The following PRDM11 variants were observed in gnomAD, a reference collection of about 807,000 sequenced individuals.
PRDM11 encodes the protein PR/SET domain 11.
In PRDM11, 20 loss-of-function variants were observed where a neutral mutation model predicts 97.8. The ratio of observed to expected loss-of-function variants is 0.20; its 90% CI spans 0.14 to 0.30. PRDM11 has a LOEUF of 0.30. PRDM11 is among the 10% of genes least tolerant of loss of function. The pLI is 1.00. For missense variants in PRDM11, 1,139 were observed against 1,555.2 expected (o/e 0.73, Z 4.50); for synonymous variants, 599 against 637.7 (o/e 0.94, Z 0.91).
intron 1 of PRDM11, among the ~76,000 whole-genome samples, chr11:45,148,042 G>T (rs1044921896): frequency 3.3e-5 from 5 of 152,154 alleles, no homozygotes; most frequent in East Asian, 1.9e-4. Context: ...AGGGAGGAAG[G>T]TTCGGGCTTT....
At chr11:45,103,250 T>A (rs1334115990) in intron 1 of PRDM11, among the ~76,000 whole-genome samples, 3 of 152,156 alleles carry the variant, frequency 2.0e-5, no homozygotes, top group Non-Finnish European at 4.4e-5. Flanking sequence ...CTCCCCGGCC[T>A]TGGAGCCCAA....
At chr11:45,137,629 C>G (rs1403471045) in intron 1 of PRDM11, among the ~76,000 whole-genome samples, 1 of 152,030 alleles carries the variant, frequency 6.6e-6, no homozygotes, top group Non-Finnish European at 1.5e-5. Context: ...GCATCTGTAG[C>G]CCTGGCTACT....
intron 1 of PRDM11, among the ~76,000 whole-genome samples, chr11:45,134,788 T>C (rs1192819333): frequency 2.0e-5 from 3 of 146,434 alleles, no homozygotes; most frequent in African/African-American, 7.6e-5. Context: ...AAATGTATAA[T>C]AGCAATTTGA....
intron 1 of PRDM11, among the ~76,000 whole-genome samples, chr11:45,154,942 T>G (rs574260239): frequency 6.6e-6 from 1 of 152,026 alleles, no homozygotes; most frequent in Non-Finnish European, 1.5e-5. Context: ...CAGAGAGTGT[T>G]GTTGTAGCCT....
rs187734306 is a variant in PRDM11 at position 45,127,902 on chromosome 11, C to T, written c.96+32001C>T. On this transcript the variant is annotated intron_variant, in intron 1 of 6. Transcript: ENST00000530656. ...AGCTGTCAGATAGGGACGTTTAAGT[C>T]TGTAGAGGTTACTGCTGTCTTTTTG... is the stretch of plus-strand genomic sequence containing the variant. Among the ~76,000 whole-genome samples the T allele has an allele frequency of 1.1e-4, 16 of 152,356 alleles. No individual in the cohort carries two copies. The East Asian group carries it at 3.1e-3, about 29-fold the overall frequency.
At position 45,132,219 on chromosome 11, in the gene PRDM11, C is replaced by A. The variant is rs537813134; in HGVS notation, c.96+36318C>A. Among the ~76,000 whole-genome samples, 31 of 152,274 alleles carry A rather than the reference C, an allele frequency of 2.0e-4. 1 individual carries two copies. The South Asian group carries it at 6.2e-3, about 31-fold the overall frequency. On this transcript the variant is annotated intron_variant, in intron 1 of 6. Transcript: ENST00000530656. ...TGTGCAGGGGGTCATTTTCCCTGAG[C>A]CCATGACAACAAGGAGCTTGAACAC...
At chr11:45,131,861 G>A (rs539992663) in intron 1 of PRDM11, among the ~76,000 whole-genome samples, 2 of 152,252 alleles carry the variant, frequency 1.3e-5, no homozygotes, top group South Asian at 4.2e-4. Context: ...TTTCAGGGTT[G>A]GCTAATGAAG....
intron 1 of PRDM11, among the ~76,000 whole-genome samples, chr11:45,101,060 G>A (rs926925821): frequency 6.6e-6 from 1 of 152,080 alleles, no homozygotes; most frequent in South Asian, 2.1e-4. Flanking sequence ...GGGGGGTGGG[G>A]ATTAATAGGA....
At chr11:45,100,566 G>A (rs1014142713) in intron 1 of PRDM11, among the ~76,000 whole-genome samples, 1 of 152,178 alleles carries the variant, frequency 6.6e-6, no homozygotes, top group South Asian at 2.1e-4. Flanking sequence ...ATCATCTGCT[G>A]CTGCTGATTG....
Position 45,232,931 on chromosome 11 carries a change from T to A in PRDM11, c.*4772T>A, listed in dbSNP as rs1854426079. The A allele has an allele frequency of 7.0e-6, 1 of 143,430 alleles. No homozygotes were observed. The highest frequency in any genetic ancestry group is 2.5e-5 in the African/African-American group (1 of 39,734). 8.9% of individuals were successfully genotyped at this position (143,430 alleles called of 1,614,324 possible). The stretch of plus-strand genomic sequence containing the variant: ...CTCCCTTCCCCCCCACCCCCTCAAG[T>A]GGTATCACCCTGGAAATACCTATGC... On this transcript the variant is annotated 3_prime_UTR_variant, in exon 8 of 8. Coordinates refer to ENST00000683152, the MANE Select transcript of PRDM11 (RefSeq NM_001384648.1).
chr11:45,213,322 G>A (rs972148419), intron 5 of PRDM11: 21 of 455,872 alleles, frequency 4.6e-5, no homozygotes, highest in African/African-American at 8.0e-5. Flanking sequence ...TCTGTGTCCC[G>A]TGGTGGCAGG....
intron 1 of PRDM11, among the ~76,000 whole-genome samples, chr11:45,179,330 A>C (rs1474465723): frequency 6.6e-6 from 1 of 152,216 alleles, no homozygotes; most frequent in African/African-American, 2.4e-5. Context: ...GGATGTGCAG[A>C]GACTGGCCCC....
At chr11:45,211,922 G>A (rs10838433) in intron 5 of PRDM11, among the ~76,000 whole-genome samples, 88,589 of 152,058 alleles carry the variant, frequency 0.58, 28,019 homozygotes, top group Non-Finnish European at 0.72. Flanking sequence ...CAAGGCCACA[G>A]GATGGCCCCA....
At chr11:45,155,276 A>C (rs897094362) in intron 1 of PRDM11, among the ~76,000 whole-genome samples, 7 of 152,208 alleles carry the variant, frequency 4.6e-5, no homozygotes, top group Non-Finnish European at 1.5e-5. Flanking sequence ...GCCCGATGCC[A>C]GGGGATGGAG....
chr11:45,106,774 G>T (rs139702408), intron 1 of PRDM11, among the ~76,000 whole-genome samples: 1 of 152,188 alleles, frequency 6.6e-6, no homozygotes, highest in Non-Finnish European at 1.5e-5. Context: ...AGTGGATGTC[G>T]CAGGAGAGCA....
chr11:45,108,273 C>A (rs1294456020), intron 1 of PRDM11, among the ~76,000 whole-genome samples: 1 of 152,210 alleles, frequency 6.6e-6, no homozygotes, highest in Non-Finnish European at 1.5e-5. Context: ...GTGTGACCCG[C>A]TGCCCTGCTG....
chr11:45,155,054 TC>T (rs1565271069), intron 1 of PRDM11, among the ~76,000 whole-genome samples: 1 of 152,124 alleles, frequency 6.6e-6, no homozygotes, highest in South Asian at 2.1e-4. Context: ...GTGGGCGCCT[TC>T]CCCCAGGCTT....
chr11:45,111,985 T>C (rs1852192550), intron 1 of PRDM11, among the ~76,000 whole-genome samples: 1 of 152,096 alleles, frequency 6.6e-6, no homozygotes, highest in Non-Finnish European at 1.5e-5. Flanking sequence ...GGGGTACAGG[T>C]GGTCTTTGAT....
intron 7 of PRDM11, chr11:45,225,157 A>G (rs1478451918): frequency 1.8e-5 from 24 of 1,345,200 alleles, no homozygotes; most frequent in Non-Finnish European, 2.0e-5. Context: ...CCAAAGCCCA[A>G]TTTCTAAACC....
Sources: allele counts gnomAD v4.1 joint callset (sites outside exome capture counted in the v4.1 genomes callset), GRCh38; gene constraint gnomAD v4.1.1; transcripts MANE v1.5; gene names NCBI Gene and HGNC (gene_info 2026-07-23, HGNC 2026-07-21).